The following CAP2 variants were observed in gnomAD, a reference collection of about 807,000 sequenced individuals.
CAP2 encodes the protein cyclase associated actin cytoskeleton regulatory protein 2.
CAP2 carries 24 observed loss-of-function variants against 57.7 expected under a neutral mutation model. The ratio of observed to expected loss-of-function variants is 0.42; its 90% CI spans 0.30 to 0.58. The LOEUF is 0.58. Ranked by LOEUF, CAP2 falls within the 20% of genes least tolerant of loss-of-function variation. The pLI is 0.22. For missense variants in CAP2, 501 were observed against 590.3 expected (o/e 0.85, Z 1.57); for synonymous variants, 194 against 207.2 (o/e 0.94, Z 0.55).
At chr6:17,430,812 T>C (rs1220700608) in intron 3 of CAP2, among the ~76,000 whole-genome samples, 2 of 152,148 alleles carry the variant, frequency 1.3e-5, no homozygotes, top group South Asian at 4.1e-4. Flanking sequence ...GCTGGGATTA[T>C]AGGCGTGAGC....
At chr6:17,519,526 A>G (rs1431916821) in intron 7 of CAP2, among the ~76,000 whole-genome samples, 1 of 152,182 alleles carries the variant, frequency 6.6e-6, no homozygotes, top group Non-Finnish European at 1.5e-5. Context: ...GTTTTCAGTT[A>G]GTTTCATCCT....
chr6:17,522,358 T>C (rs1762411798), intron 7 of CAP2, among the ~76,000 whole-genome samples: 1 of 152,240 alleles, frequency 6.6e-6, no homozygotes, highest in Non-Finnish European at 1.5e-5. Flanking sequence ...CTACTTACCA[T>C]GTACCAAGCA....
At chr6:17,469,836 G>C (rs970679056) in intron 4 of CAP2, among the ~76,000 whole-genome samples, 1 of 152,088 alleles carries the variant, frequency 6.6e-6, no homozygotes, top group African/African-American at 2.4e-5. Flanking sequence ...ACAGTCCTCC[G>C]CTCAGCACTT....
chr6:17,546,304 G>A (rs537057641), intron 11 of CAP2, among the ~76,000 whole-genome samples: 1 of 152,268 alleles, frequency 6.6e-6, no homozygotes, highest in South Asian at 2.1e-4. Context: ...TGATGATGAT[G>A]CATTTTTTCA....
intron 6 of CAP2, among the ~76,000 whole-genome samples, chr6:17,510,361 AAAAC>A (rs1279154282): frequency 1.3e-5 from 2 of 152,230 alleles, no homozygotes; most frequent in Non-Finnish European, 2.9e-5. Context: ...AACAAAAAGA[AAAAC>A]AAACAGCCAT....
At chr6:17,495,599 T>C (rs933047769) in intron 4 of CAP2, among the ~76,000 whole-genome samples, 9 of 152,140 alleles carry the variant, frequency 5.9e-5, no homozygotes, top group African/African-American at 1.7e-4. Context: ...TTGGAGTCCA[T>C]GGGATTTATG....
chr6:17,556,317 T>C (rs749419882), intron 12 of CAP2, 42 bp from the exon 13 acceptor site: 21 of 1,369,262 alleles, frequency 1.5e-5, no homozygotes, highest in South Asian at 1.3e-4. Context: ...TAAATAACTT[T>C]GTTGTAGTTT....
At chr6:17,542,788 TC>T in intron 9 of CAP2, 48 bp from the exon 10 acceptor site, 2 of 1,485,372 alleles carry the variant, frequency 1.3e-6, no homozygotes, top group Non-Finnish European at 1.9e-6. Context: ...TGCAGTGGTT[TC>T]TGTTTATATA....
intron 8 of CAP2, 106 bp from the exon 9 acceptor site, chr6:17,540,867 C>A: frequency 9.0e-7 from 1 of 1,111,436 alleles, no homozygotes. Context: ...TGAAAGTGGC[C>A]TTACCAAAAG....
chr6:17,419,212 A>G (rs1377083012), intron 1 of CAP2, among the ~76,000 whole-genome samples: 2 of 152,228 alleles, frequency 1.3e-5, no homozygotes, highest in Admixed American at 6.5e-5. Flanking sequence ...ACGGACTACA[A>G]AACACATAAG....
At chr6:17,473,376 G>A (rs1345966193) in intron 4 of CAP2, among the ~76,000 whole-genome samples, 3 of 151,994 alleles carry the variant, frequency 2.0e-5, no homozygotes, top group African/African-American at 4.8e-5. Context: ...AATTATCAAC[G>A]ATCTATCATT....
chr6:17,455,353 G>A (rs892454829), intron 3 of CAP2, among the ~76,000 whole-genome samples: 1 of 151,972 alleles, frequency 6.6e-6, no homozygotes, highest in Non-Finnish European at 1.5e-5. Context: ...TCCCTCCCAA[G>A]GGCTGGCAGG....
chr6:17,413,675 T>C (rs1328769683), intron 1 of CAP2, among the ~76,000 whole-genome samples: 1 of 152,162 alleles, frequency 6.6e-6, no homozygotes, highest in Non-Finnish European at 1.5e-5. Flanking sequence ...CAATTAGTAA[T>C]AGTGAATCAC....
intron 11 of CAP2, among the ~76,000 whole-genome samples, chr6:17,548,266 C>G (rs1763098090): frequency 1.3e-5 from 2 of 151,732 alleles, no homozygotes; most frequent in Non-Finnish European, 1.5e-5. Flanking sequence ...ACTCAGGAGG[C>G]TGAGGCCGGA....
At chr6:17,455,835 TA>T (rs1760553512) in intron 3 of CAP2, among the ~76,000 whole-genome samples, 1 of 152,086 alleles carries the variant, frequency 6.6e-6, no homozygotes, top group African/African-American at 2.4e-5. Context: ...GCGCCCAGCC[TA>T]AACTTTTTAA....
intron 1 of CAP2, among the ~76,000 whole-genome samples, chr6:17,407,579 C>T (rs1759014712): frequency 6.6e-6 from 1 of 151,558 alleles, no homozygotes; most frequent in Non-Finnish European, 1.5e-5. Context: ...GAGTTCAAGA[C>T]CAACCTGGCC....
At chr6:17,540,092 A>G (rs1425579230) in intron 8 of CAP2, among the ~76,000 whole-genome samples, 2 of 152,126 alleles carry the variant, frequency 1.3e-5, no homozygotes, top group Non-Finnish European at 2.9e-5. Context: ...TAAATAAATA[A>G]AAGTGGCAAA....
At chr6:17,436,465 G>A (rs1004780245) in intron 3 of CAP2, among the ~76,000 whole-genome samples, 19 of 151,998 alleles carry the variant, frequency 1.3e-4, no homozygotes, top group African/African-American at 4.3e-4. Context: ...GTTTAATAAA[G>A]GGACTATTTC....
At chr6:17,498,503 T>C (rs1232300072) in intron 4 of CAP2, among the ~76,000 whole-genome samples, 1 of 152,112 alleles carries the variant, frequency 6.6e-6, no homozygotes, top group Non-Finnish European at 1.5e-5. Context: ...AGTAGAACAA[T>C]CTCATGTCAA....
Sources: allele counts gnomAD v4.1 joint callset (sites outside exome capture counted in the v4.1 genomes callset), GRCh38; gene constraint gnomAD v4.1.1; transcripts MANE v1.5; gene names NCBI Gene and HGNC (gene_info 2026-07-23, HGNC 2026-07-21).